TGS1: variants seen among roughly 807,000 people sequenced by gnomAD.
TGS1 encodes trimethylguanosine synthase 1, also known as trimethylguanosine synthase.
TGS1 carries 69 observed loss-of-function variants against 92.2 expected under a neutral mutation model. That is an observed-to-expected ratio of 0.75 (90% CI 0.62 to 0.91). The LOEUF (loss-of-function observed/expected upper bound fraction) is 0.91. Ranked by LOEUF, TGS1 falls within the 40% of genes least tolerant of loss-of-function variation. TGS1 has a pLI of 0.00. For missense variants in TGS1, 1,062 were observed against 1,001.2 expected (o/e 1.06, Z -0.82); for synonymous variants, 345 against 338.1 (o/e 1.02, Z -0.22).
At chr8:55,801,611 C>G (rs1230048525) in intron 8 of TGS1, among the ~76,000 whole-genome samples, 1 of 74,560 alleles carries the variant, frequency 1.3e-5, no homozygotes, top group Non-Finnish European at 2.4e-5. Flanking sequence ...TTTTTTGAGA[C>G]AGAGTCTTGC....
At chr8:55,778,319 G>A (rs766702604) in intron 1 of TGS1, among the ~76,000 whole-genome samples, 9 of 152,108 alleles carry the variant, frequency 5.9e-5, no homozygotes, top group Non-Finnish European at 8.8e-5. Flanking sequence ...GAATTCTACC[G>A]CACATCTGTA....
intron 1 of TGS1, among the ~76,000 whole-genome samples, chr8:55,782,263 CCT>C (rs1811587254): frequency 6.6e-6 from 1 of 151,888 alleles, no homozygotes; most frequent in South Asian, 2.1e-4. Flanking sequence ...CTCACTGCAA[CCT>C]CTGTCTCCCG....
chr8:55,784,674 G>A (rs1022674191), intron 2 of TGS1, among the ~76,000 whole-genome samples: 7 of 152,084 alleles, frequency 4.6e-5, no homozygotes, highest in Non-Finnish European at 8.8e-5. Flanking sequence ...ACAGAATCCC[G>A]GAACCTAAAT....
chr8:55,794,189 C>T (rs562033452), intron 6 of TGS1, among the ~76,000 whole-genome samples: 2 of 152,258 alleles, frequency 1.3e-5, no homozygotes, highest in South Asian at 2.1e-4. Context: ...TCCTTAGGGT[C>T]TCGCTCTGTA....
intron 8 of TGS1, among the ~76,000 whole-genome samples, chr8:55,801,144 T>A (rs1161892758): frequency 6.6e-6 from 1 of 152,252 alleles, no homozygotes; most frequent in East Asian, 1.9e-4. Flanking sequence ...TAGATTTCTA[T>A]AATTCACCAC....
chr8:55,818,732 T>C (rs1295152003), intron 12 of TGS1, among the ~76,000 whole-genome samples: 1 of 152,254 alleles, frequency 6.6e-6, no homozygotes. Flanking sequence ...CCTTCACTAC[T>C]GTGGGTAACT....
chr8:55,790,143 C>T (rs777604958), intron 4 of TGS1, 39 bp from the exon 5 acceptor site: 20 of 1,512,992 alleles, frequency 1.3e-5, no homozygotes, highest in Non-Finnish European at 9.1e-7. Context: ...GTTGTCAAAC[C>T]AAGGGGGAAA....
chr8:55,814,968 A>G (rs934705015), intron 12 of TGS1, among the ~76,000 whole-genome samples: 4 of 152,040 alleles, frequency 2.6e-5, no homozygotes, highest in African/African-American at 7.2e-5. Context: ...AGACTGCCAG[A>G]TAAGGTTGAG....
chr8:55,773,613 G>A lies in TGS1; in HGVS notation c.-6G>A. On this transcript the variant is annotated 5_prime_UTR_variant, in exon 1 of 13. Transcript: ENST00000260129. The stretch of plus-strand genomic sequence containing the variant: ...CGTACGTCAGAGCTGCCTCCGAAGT[G>A]GTAAAATGTGCTGCGAGAAGTGGAG... 1 of 1,608,838 alleles carries A rather than the reference G, an allele frequency of 6.2e-7. No homozygotes were observed. Among genetic ancestry groups the A allele is most frequent in the African/African-American group, 1.3e-5 (1 of 74,870 alleles).
At chr8:55,821,544 G>A (rs114464066) in intron 12 of TGS1, among the ~76,000 whole-genome samples, 1 of 152,084 alleles carries the variant, frequency 6.6e-6, no homozygotes, top group African/African-American at 2.4e-5. Flanking sequence ...TCAGAAATTG[G>A]TTTTTATGGA....
chr8:55,787,778 G>T (rs1425232266), intron 4 of TGS1, among the ~76,000 whole-genome samples: 1 of 152,228 alleles, frequency 6.6e-6, no homozygotes, highest in Non-Finnish European at 1.5e-5. Context: ...TCACAGTTTT[G>T]CAGGCTGTAC....
At chr8:55,811,718 G>A (rs1330844906) in intron 11 of TGS1, among the ~76,000 whole-genome samples, 6 of 152,152 alleles carry the variant, frequency 3.9e-5, no homozygotes, top group East Asian at 1.9e-4. Context: ...CTGAGATTGC[G>A]CCACTGCACT....
chr8:55,781,950 A>G (rs1268398736), intron 1 of TGS1, among the ~76,000 whole-genome samples: 1 of 152,020 alleles, frequency 6.6e-6, no homozygotes, highest in African/African-American at 2.4e-5. Flanking sequence ...TATTTTGGTA[A>G]CCTTTGCTCA....
chr8:55,789,151 G>C (rs1224041021), intron 4 of TGS1, among the ~76,000 whole-genome samples: 1 of 152,116 alleles, frequency 6.6e-6, no homozygotes, highest in African/African-American at 2.4e-5. Flanking sequence ...TCTACTCTTT[G>C]TGGTTGGTGC....
intron 10 of TGS1, among the ~76,000 whole-genome samples, chr8:55,807,807 G>C (rs975465625): frequency 2.0e-5 from 3 of 151,996 alleles, no homozygotes; most frequent in Non-Finnish European, 2.9e-5. Context: ...GGAATTACAG[G>C]CATGAGCCAC....
intron 11 of TGS1, among the ~76,000 whole-genome samples, chr8:55,811,535 G>A (rs1328038905): frequency 6.6e-6 from 1 of 151,858 alleles, no homozygotes; most frequent in Non-Finnish European, 1.5e-5. Context: ...GCCGAGGCAG[G>A]TGGATCACGA....
chr8:55,797,342 A>G (rs906327677), intron 7 of TGS1, among the ~76,000 whole-genome samples: 3 of 152,312 alleles, frequency 2.0e-5, no homozygotes, highest in East Asian at 1.9e-4. Flanking sequence ...AACTGCCCCC[A>G]TGATTCAACT....
chr8:55,799,662 T>C (rs1812166382), intron 8 of TGS1, among the ~76,000 whole-genome samples: 1 of 152,280 alleles, frequency 6.6e-6, no homozygotes, highest in African/African-American at 2.4e-5. Flanking sequence ...ACTACATCCT[T>C]GACCCCCAGG....
intron 1 of TGS1, among the ~76,000 whole-genome samples, chr8:55,782,146 C>A (rs1811581661): frequency 6.6e-6 from 1 of 150,846 alleles, no homozygotes; most frequent in Admixed American, 6.6e-5. Context: ...AGAACTTACA[C>A]TTTATTTATT....
Sources: gnomAD v4.1 joint callset for allele counts (sites outside exome capture counted in the v4.1 genomes callset) on GRCh38, gnomAD v4.1.1 for gene constraint, MANE v1.5 for transcripts, NCBI Gene and HGNC (gene_info 2026-07-23, HGNC 2026-07-21) for gene names.